The following SPINK5 variants were observed in gnomAD, a reference collection of about 807,000 sequenced individuals.
The protein encoded by SPINK5 is serine peptidase inhibitor Kazal type 5, also known as serine protease inhibitor Kazal-type 5.
SPINK5 carries 125 observed loss-of-function variants against 151.8 expected under a neutral mutation model. The observed-to-expected ratio is 0.82, with a 90% CI of 0.71 to 0.96. The LOEUF is 0.96. SPINK5 is among the 40% of genes least tolerant of loss of function. The pLI, the probability that SPINK5 is intolerant of heterozygous loss-of-function variation, is 0.00. For missense variants in SPINK5, 1,194 were observed against 1,291.9 expected, an observed-to-expected ratio of 0.92 and a Z score of 1.16; for synonymous variants, 374 against 395.3, an observed-to-expected ratio of 0.95 and a Z score of 0.64.
chr5:148,095,003 C>T (rs1393035299), intron 9 of SPINK5, among the ~76,000 whole-genome samples: 1 of 151,906 alleles, frequency 6.6e-6, no homozygotes. Context: ...TCTCATGACA[C>T]TTTCGGCTTC....
chr5:148,130,639 A>T (rs1754547323), intron 30 of SPINK5, among the ~76,000 whole-genome samples: 1 of 152,146 alleles, frequency 6.6e-6, no homozygotes, highest in Non-Finnish European at 1.5e-5. Flanking sequence ...TACCGTGGAA[A>T]ACATACTAAC....
rs775767273 is a variant in SPINK5, at chr5:148,114,368, T to C, written c.1894T>C (p.Cys632Arg). ...CCTTTTCTTTTCCTTTTAGGAGACATGCGATGAATTTCGGAGACTTTTGCA... is the reference window on the plus strand; with the variant it reads ...CCTTTTCTTTTCCTTTTAGGAGACACGCGATGAATTTCGGAGACTTTTGCA... ...KVKREAEKET[C>R]DEFRRLLQNG... The change falls in exon 21 of 33, where the codon TGC becomes CGC. Residue 632 changes from cysteine to arginine, a missense_variant. Cys to Arg is a radical substitution (Grantham distance 180). Transcript: ENST00000256084. The C allele has an allele frequency of 5.0e-6, 8 of 1,611,640 alleles. No individual in the cohort carries two copies. The African/African-American group carries it at 8.0e-5, about 16-fold the overall frequency.
At chr5:148,099,107 A>G in intron 11 of SPINK5, 127 bp from the exon 12 acceptor site, 1 of 749,140 alleles carries the variant, frequency 1.3e-6, no homozygotes, top group Admixed American at 2.3e-5. Context: ...TCTCATTGAT[A>G]TGCAGTGATA....
intron 4 of SPINK5, among the ~76,000 whole-genome samples, chr5:148,076,040 G>A (rs1055107515): frequency 1.3e-5 from 2 of 149,894 alleles, no homozygotes; most frequent in Non-Finnish European, 3.0e-5. Context: ...CAAGAGATTC[G>A]CAAACTCCTA....
chr5:148,064,955 T>C (rs1752539318), intron 1 of SPINK5, among the ~76,000 whole-genome samples: 1 of 152,164 alleles, frequency 6.6e-6, no homozygotes, highest in African/African-American at 2.4e-5. Context: ...TATTATAGTT[T>C]CAACTATAAT....
intron 20 of SPINK5, among the ~76,000 whole-genome samples, chr5:148,113,796 C>T (rs1288111310): frequency 2.0e-5 from 3 of 152,134 alleles, no homozygotes; most frequent in Non-Finnish European, 2.9e-5. Context: ...TCAACATCTA[C>T]AAGAGAAAAT....
At position 148,106,171 on chromosome 5, in the gene SPINK5, C is replaced by T. The variant is rs190022341; in HGVS notation, c.1480-866C>T. ...GTATTAACATATTCCTCCTTCTCTC[C>T]ACTCCTATTCTTACCCTCTTGCTTC... On this transcript the variant is annotated intron_variant, in intron 16 of 32. Transcript: ENST00000256084. Among the ~76,000 whole-genome samples the T allele has an allele frequency of 4.4e-3, 673 of 152,092 alleles. 4 individuals are homozygous for T. Among genetic ancestry groups the T allele is most frequent in the African/African-American group, 0.014 (580 of 41,508 alleles).
intron 14 of SPINK5, 106 bp from the exon 15 acceptor site, chr5:148,101,675 C>A: frequency 6.5e-7 from 1 of 1,531,200 alleles, no homozygotes; most frequent in Non-Finnish European, 9.0e-7. Context: ...CTAAAATAAG[C>A]CAATTGCTAA....
At chr5:148,096,726 T>C (rs1046415392) in intron 10 of SPINK5, among the ~76,000 whole-genome samples, 7 of 146,936 alleles carry the variant, frequency 4.8e-5, no homozygotes, top group African/African-American at 1.6e-4. Flanking sequence ...TTCTTTCTTT[T>C]TTTCTTTTTC....
rs775297201 is a variant in SPINK5, at chr5:148,064,109, T to A, written c.55+10T>A. 1 of 1,614,064 alleles carries A rather than the reference T, an allele frequency of 6.2e-7. No homozygotes were observed. The highest frequency in any genetic ancestry group is 1.7e-5 in the Admixed American group (1 of 59,996). ...CTTTGCCTCATACAAGGTGAGCAAT[T>A]TGTGTGTAATCTAAGCCTCTTGCCA... On this transcript the variant is annotated intron_variant, in intron 1 of 32. Coordinates refer to ENST00000256084, the MANE Select transcript of SPINK5 (RefSeq NM_006846.4).
intron 2 of SPINK5, among the ~76,000 whole-genome samples, chr5:148,066,520 G>T (rs926040944): frequency 4.6e-5 from 7 of 151,136 alleles, no homozygotes; most frequent in African/African-American, 1.7e-4. Flanking sequence ...TTGTTGCAAT[G>T]ATTTTTTTTA....
intron 4 of SPINK5, among the ~76,000 whole-genome samples, chr5:148,079,822 G>A (rs1323900415): frequency 6.6e-6 from 1 of 151,094 alleles, no homozygotes; most frequent in East Asian, 2.0e-4. Context: ...GAGAATGAAT[G>A]CTTTGCCCTT....
chr5:148,096,675 C>T (rs35350827), intron 10 of SPINK5, among the ~76,000 whole-genome samples: 6,440 of 151,804 alleles, frequency 0.042, 207 homozygotes, highest in East Asian at 0.14. Flanking sequence ...TAAGCCACTC[C>T]ATCAGGCCAC....
intron 4 of SPINK5, among the ~76,000 whole-genome samples, chr5:148,079,555 A>G (rs1479514900): frequency 6.6e-6 from 1 of 151,256 alleles, no homozygotes; most frequent in East Asian, 1.9e-4. Context: ...AAAATAAATC[A>G]TTACCAAATA....
At position 148,120,002 on chromosome 5, in the gene SPINK5, T is replaced by G. The variant is rs1754207734; in HGVS notation, c.2314-7T>G. On this transcript the variant is annotated splice_region_variant and splice_polypyrimidine_tract_variant and intron_variant, in intron 24 of 32. Transcript: ENST00000256084. ...GCACTTCCAATATAATCTTCCCATCTTTTCAGGATACATGTGATGAGTTTA... is the reference window on the plus strand; with the variant it reads ...GCACTTCCAATATAATCTTCCCATCGTTTCAGGATACATGTGATGAGTTTA... The G allele has an allele frequency of 1.9e-6, 3 of 1,613,746 alleles. No individual in the cohort carries two copies. In the East Asian group the frequency reaches 6.7e-5, roughly 36 times the overall value.
intron 30 of SPINK5, among the ~76,000 whole-genome samples, chr5:148,128,225 T>G (rs1561707351): frequency 6.6e-6 from 1 of 151,654 alleles, no homozygotes; most frequent in Admixed American, 6.6e-5. Context: ...AAAATATGTT[T>G]TTTTTTTTAA....
At chr5:148,072,102 T>A (rs1235895580) in intron 3 of SPINK5, 46 bp from the exon 4 acceptor site, 2 of 1,570,692 alleles carry the variant, frequency 1.3e-6, no homozygotes, top group Non-Finnish European at 1.8e-6. Context: ...TTGTTAAAAG[T>A]TGAGCAAACA....
At position 148,097,983 on chromosome 5, in the gene SPINK5, T is replaced by G. The variant is rs1253381247; in HGVS notation, c.999T>G (p.Cys333Trp). 3.7e-6 allele frequency: 6 copies of G among 1,611,986 alleles called. No homozygotes were observed. The highest frequency in any genetic ancestry group is 5.1e-6 in the Non-Finnish European group (6 of 1,178,548). ...GKMHGNLCSM[C>W]QAYFQAENEE... ...TGCATGGCAACTTGTGTTCCATGTG[T>G]CAAGCCTACTTGTGAGTATAGAGTT... Residue 333 changes from cysteine (C) to tryptophan (W), a missense_variant, in exon 11 of 33, where the codon TGT (cysteine) becomes TGG (tryptophan). Transcript: ENST00000256084.
chr5:148,114,804 A>G (rs1261962507), intron 21 of SPINK5, among the ~76,000 whole-genome samples: 1 of 152,196 alleles, frequency 6.6e-6, no homozygotes, highest in Non-Finnish European at 1.5e-5. Flanking sequence ...CTCGCAACTC[A>G]TGTTGGAAAG....
Sources: gnomAD v4.1 joint callset for allele counts (sites outside exome capture counted in the v4.1 genomes callset) on GRCh38, gnomAD v4.1.1 for gene constraint, MANE v1.5 for transcripts, NCBI Gene and HGNC (gene_info 2026-07-23, HGNC 2026-07-21) for gene names.